ARHGAP26: variants seen among roughly 807,000 people sequenced by gnomAD.
ARHGAP26 encodes the protein Rho GTPase activating protein 26.
ARHGAP26 carries 38 observed loss-of-function variants against 104.8 expected under a neutral mutation model. The observed-to-expected ratio is 0.36, with a 90% confidence interval of 0.28 to 0.48. The LOEUF (loss-of-function observed/expected upper bound fraction) is 0.48. Ranked by LOEUF, ARHGAP26 falls within the 20% of genes least tolerant of loss-of-function variation. The pLI, the probability that ARHGAP26 is intolerant of heterozygous loss-of-function variation, is 0.99. For synonymous variants in ARHGAP26, 341 were observed against 340.0 expected (o/e 1.00, Z -0.03); for missense variants, 704 against 947.9 (o/e 0.74, Z 3.38).
intron 22 of ARHGAP26, 37 bp downstream of exon 22, chr5:143,214,125 G>A (rs750623448): frequency 6.1e-6 from 2 of 326,532 alleles, no homozygotes; most frequent in East Asian, 7.1e-5. Context: ...TATGGGCGGG[G>A]GGCGGGGGCA....
At chr5:143,178,973 G>A (rs567138264) in intron 20 of ARHGAP26, among the ~76,000 whole-genome samples, 9 of 151,940 alleles carry the variant, frequency 5.9e-5, no homozygotes, top group African/African-American at 1.9e-4. Context: ...GGGTTCAAGC[G>A]ATTCTCCTGC....
chr5:143,200,201 T>C (rs6864988), intron 20 of ARHGAP26, among the ~76,000 whole-genome samples: 33,584 of 152,134 alleles, frequency 0.22, 4,465 homozygotes, highest in African/African-American at 0.38. Flanking sequence ...GGTGGGGTAA[T>C]GGTGAGAAGG....
At chr5:142,985,084 A>T (rs1454217023) in intron 11 of ARHGAP26, among the ~76,000 whole-genome samples, 1 of 152,038 alleles carries the variant, frequency 6.6e-6, no homozygotes, top group East Asian at 1.9e-4. Flanking sequence ...GATGATCCTG[A>T]CCCTGTGTAG....
intron 14 of ARHGAP26, among the ~76,000 whole-genome samples, chr5:143,048,063 A>G (rs246654): frequency 0.23 from 34,639 of 151,808 alleles, 7,491 homozygotes; most frequent in African/African-American, 0.57. Flanking sequence ...TGGCCAGGCT[A>G]GTCTTGGACT....
chr5:142,819,194 C>T (rs1765662828), intron 1 of ARHGAP26, among the ~76,000 whole-genome samples: 1 of 152,174 alleles, frequency 6.6e-6, no homozygotes, highest in Non-Finnish European at 1.5e-5. Flanking sequence ...AAGTCGAAAA[C>T]ATTCCTCAGT....
chr5:142,809,723 C>T (rs565535143), intron 1 of ARHGAP26, among the ~76,000 whole-genome samples: 78 of 152,336 alleles, frequency 5.1e-4, no homozygotes, highest in African/African-American at 1.8e-3. Context: ...CTGCTGGAGC[C>T]ATCCACTCCT....
chr5:142,770,884 G>C lies in ARHGAP26; in HGVS notation c.123G>C (p.Lys41Asn). ...KTNKFIKELI[K>N]DGKSLISALK... The stretch of plus-strand genomic sequence containing the variant: ...ACAAATTCATCAAGGAGCTCATCAA[G>C]GACGGGAAGTCACTCATAAGCGCGC... The change falls in exon 1 of 23, where the codon AAG (lysine) becomes AAC (asparagine). Residue 41 changes from lysine to asparagine, a missense_variant. Coordinates refer to ENST00000645722, the MANE Select transcript of ARHGAP26 (RefSeq NM_001135608.3). 1.2e-6 allele frequency: 2 copies of C among 1,611,226 alleles called. No individual in the cohort carries two copies. The highest frequency in any genetic ancestry group is 3.3e-4 in the Middle Eastern group (2 of 6,050).
At chr5:143,138,943 G>T (rs1174471405) in intron 19 of ARHGAP26, among the ~76,000 whole-genome samples, 1 of 152,188 alleles carries the variant, frequency 6.6e-6, no homozygotes, top group Non-Finnish European at 1.5e-5. Flanking sequence ...CTGTTAACCA[G>T]TCGTTATTTT....
chr5:142,851,285 C>T (rs757083939), intron 1 of ARHGAP26, among the ~76,000 whole-genome samples: 5 of 151,968 alleles, frequency 3.3e-5, no homozygotes, highest in African/African-American at 7.3e-5. Context: ...TTAGTAGAGA[C>T]GGGGTTTTTC....
rs1159390971 is a variant in ARHGAP26 at position 143,228,696 on chromosome 5, GTTTTC to G, written c.*6255_*6259del. 2.4e-5 allele frequency: 5 copies of G among 206,294 alleles called. No individual in the cohort carries two copies. Among genetic ancestry groups the G allele is most frequent in the Admixed American group, 1.2e-4 (2 of 16,794 alleles). The allele number at this position is 206,294 out of a possible 1,614,324, so 12.8% of individuals were successfully genotyped here. The stretch of plus-strand genomic sequence containing the variant: ...AGTACTTATTAAATGGCACTTTAAT[GTTTTC>G]TTTTAAAATAACGCACTGTTCTAAA... On this transcript the variant is annotated 3_prime_UTR_variant, in exon 23 of 23. Transcript: ENST00000645722.
At chr5:142,895,573 G>C (rs1759367345) in intron 6 of ARHGAP26, among the ~76,000 whole-genome samples, 1 of 152,222 alleles carries the variant, frequency 6.6e-6, no homozygotes, top group Non-Finnish European at 1.5e-5. Flanking sequence ...AAAACTGTAA[G>C]AAACTGAAAG....
At chr5:142,959,294 T>C (rs1222674719) in intron 11 of ARHGAP26, among the ~76,000 whole-genome samples, 1 of 152,276 alleles carries the variant, frequency 6.6e-6, no homozygotes, top group East Asian at 1.9e-4. Context: ...TTTCTGTCAG[T>C]GTAACCAGCC....
intron 11 of ARHGAP26, among the ~76,000 whole-genome samples, chr5:142,997,269 C>A (rs1003959692): frequency 2.0e-5 from 3 of 152,138 alleles, no homozygotes; most frequent in African/African-American, 7.2e-5. Flanking sequence ...AGAGTTTTCA[C>A]AATCATTTGT....
chr5:142,875,293 C>G, intron 3 of ARHGAP26, 122 bp downstream of exon 3: 1 of 922,070 alleles, frequency 1.1e-6, no homozygotes, highest in Non-Finnish European at 1.7e-6. Flanking sequence ...TTGAGCTCTT[C>G]AGCAAGCCTC....
chr5:143,097,559 G>A (rs1792563384), intron 17 of ARHGAP26, among the ~76,000 whole-genome samples: 2 of 151,908 alleles, frequency 1.3e-5, no homozygotes, highest in African/African-American at 4.8e-5. Flanking sequence ...GGTGGCTCAC[G>A]CCTGTAATCC....
At chr5:142,772,581 G>A in intron 1 of ARHGAP26, 1 of 374,098 alleles carries the variant, frequency 2.7e-6, no homozygotes, top group Non-Finnish European at 5.3e-6. Context: ...CTTCATTCCA[G>A]GCACTGCTTC....
At chr5:142,789,454 G>C (rs1404076296) in intron 1 of ARHGAP26, among the ~76,000 whole-genome samples, 13 of 152,088 alleles carry the variant, frequency 8.5e-5, no homozygotes, top group African/African-American at 2.7e-4. Context: ...AATCTTTTCT[G>C]GACTGTTTGG....
intron 11 of ARHGAP26, among the ~76,000 whole-genome samples, chr5:143,005,996 G>A (rs181260246): frequency 1.3e-5 from 2 of 152,158 alleles, no homozygotes; most frequent in African/African-American, 4.8e-5. Flanking sequence ...TGGTACCATA[G>A]GCTTCAAAAC....
At position 142,983,628 on chromosome 5, in the gene ARHGAP26, A is replaced by T. The variant is rs192326388; in HGVS notation, c.1108-30452A>T. Among the ~76,000 whole-genome samples the T allele has an allele frequency of 1.8e-3, 274 of 152,376 alleles. 1 individual carries two copies. The highest frequency in any genetic ancestry group is 6.1e-3 in the African/African-American group (255 of 41,594). ...AGATTTTCACGCATTTTTACATCGAAAAAATAAACTATATTTTTTGACTGA... is the reference window on the plus strand; with the variant it reads ...AGATTTTCACGCATTTTTACATCGATAAAATAAACTATATTTTTTGACTGA... On this transcript the variant is annotated intron_variant, in intron 11 of 22. Transcript: ENST00000645722.
Sources: allele counts gnomAD v4.1 joint callset (sites outside exome capture counted in the v4.1 genomes callset), GRCh38; gene constraint gnomAD v4.1.1; transcripts MANE v1.5; gene names NCBI Gene and HGNC (gene_info 2026-07-23, HGNC 2026-07-21).